Variants in DAB1 observed in about 807,000 individuals in gnomAD.
DAB1 encodes disabled homolog 1.
A neutral mutation model predicts 64.6 loss-of-function variants in DAB1; 15 were observed. The ratio of observed to expected loss-of-function variants is 0.23; its 90% CI spans 0.16 to 0.36. The LOEUF (loss-of-function observed/expected upper bound fraction) is 0.36. DAB1 is among the 10% of genes least tolerant of loss of function. The pLI, the probability that DAB1 is intolerant of heterozygous loss-of-function variation, is 1.00. For synonymous variants in DAB1, 235 were observed against 251.9 expected (o/e 0.93, Z 0.64); for missense variants, 596 against 706.7 (o/e 0.84, Z 1.78).
intron 4 of DAB1, among the ~76,000 whole-genome samples, chr1:57,077,176 G>A (rs1455777599): frequency 2.6e-5 from 4 of 152,170 alleles, no homozygotes; most frequent in African/African-American, 9.7e-5. Context: ...AAGGAAGAAA[G>A]GGCATTTTAG....
chr1:58,005,062 G>GAA (rs138023339), intron 5 of DAB1, among the ~76,000 whole-genome samples: 1 of 151,992 alleles, frequency 6.6e-6, no homozygotes, highest in Non-Finnish European at 1.5e-5. Context: ...GAGTGAGCTT[G>GAA]GGTGTCCCTC....
chr1:57,350,617 CA>C (rs1009484260), intron 1 of DAB1, among the ~76,000 whole-genome samples: 64 of 152,170 alleles, frequency 4.2e-4, no homozygotes, highest in African/African-American at 1.5e-3. Flanking sequence ...CTGACCCAAT[CA>C]AAAGCATGCC....
intron 4 of DAB1, among the ~76,000 whole-genome samples, chr1:57,091,275 C>A (rs2151566): frequency 0.17 from 25,429 of 151,974 alleles, 2,504 homozygotes; most frequent in East Asian, 0.3. Flanking sequence ...ATCCATCCAG[C>A]CTTTCCTGTT....
At chr1:58,203,412 A>G (rs1658103286) in intron 4 of DAB1, among the ~76,000 whole-genome samples, 1 of 152,216 alleles carries the variant, frequency 6.6e-6, no homozygotes, top group South Asian at 2.1e-4. Context: ...AGGGTTCCCT[A>G]ATCTGGGAAG....
intron 14 of DAB1, among the ~76,000 whole-genome samples, chr1:57,010,306 C>A (rs1646224464): frequency 6.6e-6 from 1 of 152,080 alleles, no homozygotes; most frequent in Non-Finnish European, 1.5e-5. Context: ...ATGGACCATG[C>A]CTCATTCTAT....
chr1:58,131,445 T>C lies in DAB1; in HGVS notation n.387+19066A>G, dbSNP rs1238026788. 3.3e-3 allele frequency among the ~76,000 whole-genome samples: 479 copies of C among 144,188 alleles called. 3 individuals are homozygous for C. The highest frequency in any genetic ancestry group is 0.012 in the African/African-American group (463 of 39,202). 94.6% of individuals were successfully genotyped at this position (144,188 alleles called of 152,430 possible). On this transcript the variant is annotated intron_variant and non_coding_transcript_variant, in intron 5 of 20. Transcript: ENST00000485760. Reference sequence around the variant, plus strand: ...AGAGTAATTTGATCGTCTGAAGCCTTCTTCTCTCAGCTCGTCAAAGTCATT... The same window carrying C: ...AGAGTAATTTGATCGTCTGAAGCCTCCTTCTCTCAGCTCGTCAAAGTCATT...
intron 1 of DAB1, among the ~76,000 whole-genome samples, chr1:58,541,292 T>A (rs1176445269): frequency 1.2e-4 from 2 of 16,236 alleles, no homozygotes; most frequent in African/African-American, 2.8e-4. Flanking sequence ...AGACTCTGTC[T>A]CAAAAAAAAA....
intron 3 of DAB1, among the ~76,000 whole-genome samples, chr1:58,372,982 T>C (rs545397576): frequency 6.6e-6 from 1 of 152,086 alleles, no homozygotes. Context: ...TACACACACA[T>C]GCACACAAGA....
At chr1:58,014,722 G>A (rs984094284) in intron 5 of DAB1, among the ~76,000 whole-genome samples, 5 of 152,182 alleles carry the variant, frequency 3.3e-5, no homozygotes. Flanking sequence ...ATGGTGCCAG[G>A]CACATGGTGA....
At chr1:57,310,509 G>T (rs1458346238) in intron 1 of DAB1, among the ~76,000 whole-genome samples, 1 of 152,118 alleles carries the variant, frequency 6.6e-6, no homozygotes, top group Non-Finnish European at 1.5e-5. Flanking sequence ...CAGAGTCCTC[G>T]CTGCTAAGTG....
chr1:57,145,261 G>T (rs1234400237), intron 3 of DAB1, 29 bp downstream of exon 3: 2 of 1,608,362 alleles, frequency 1.2e-6, no homozygotes, highest in East Asian at 2.2e-5. Context: ...TAAACACAAA[G>T]TATTGAAAAG....
intron 1 of DAB1, among the ~76,000 whole-genome samples, chr1:57,841,430 T>A (rs1653042648): frequency 6.6e-6 from 1 of 152,206 alleles, no homozygotes; most frequent in Non-Finnish European, 1.5e-5. Context: ...GGACTCTGTG[T>A]GGTGCTCCAA....
chr1:57,491,484 T>G (rs1644164356), intron 7 of DAB1, among the ~76,000 whole-genome samples: 1 of 152,120 alleles, frequency 6.6e-6, no homozygotes, highest in East Asian at 1.9e-4. Flanking sequence ...AATATATTTT[T>G]TATAGAACTG....
At chr1:57,185,636 G>T (rs1011573479) in intron 2 of DAB1, among the ~76,000 whole-genome samples, 4 of 152,130 alleles carry the variant, frequency 2.6e-5, no homozygotes, top group African/African-American at 9.7e-5. Flanking sequence ...ACATCCTCTT[G>T]GTAGCACCTC....
intron 3 of DAB1, among the ~76,000 whole-genome samples, chr1:58,488,867 GAACAT>G (rs1289655786): frequency 1.3e-5 from 2 of 152,214 alleles, no homozygotes; most frequent in Non-Finnish European, 2.9e-5. Context: ...TTATCAGTGA[GAACAT>G]AACATTTTTA....
chr1:58,191,688 C>A (rs1657395566), intron 4 of DAB1, among the ~76,000 whole-genome samples: 1 of 152,188 alleles, frequency 6.6e-6, no homozygotes, highest in South Asian at 2.1e-4. Context: ...GACCTTAGTT[C>A]TGTGCATATA....
chr1:57,480,075 C>A (rs1643995578), intron 7 of DAB1, among the ~76,000 whole-genome samples: 1 of 151,138 alleles, frequency 6.6e-6, no homozygotes. Context: ...TGGCGTGAAC[C>A]CGGGAGGCGG....
intron 4 of DAB1, among the ~76,000 whole-genome samples, chr1:58,213,230 C>T (rs1570491405): frequency 6.6e-6 from 1 of 152,158 alleles, no homozygotes; most frequent in South Asian, 2.1e-4. Context: ...GTTTCCACAT[C>T]TCTAAGAGGG....
intron 1 of DAB1, among the ~76,000 whole-genome samples, chr1:57,296,658 A>G (rs1673218764): frequency 1.3e-5 from 2 of 152,194 alleles, no homozygotes; most frequent in South Asian, 4.1e-4. Flanking sequence ...TAAGGATGGT[A>G]ATAAATAATA....
Sources: gnomAD v4.1 joint callset for allele counts (sites outside exome capture counted in the v4.1 genomes callset) on GRCh38, gnomAD v4.1.1 for gene constraint, MANE v1.5 for transcripts, NCBI Gene and HGNC (gene_info 2026-07-23, HGNC 2026-07-21) for gene names.